TMEM132B: variants seen among roughly 807,000 people sequenced by gnomAD.
The protein encoded by TMEM132B is transmembrane protein 132B.
In TMEM132B, 18 loss-of-function variants were observed where a neutral mutation model predicts 90.8. The observed-to-expected ratio is 0.20, with a 90% CI of 0.14 to 0.29. The LOEUF is 0.29. TMEM132B is among the 10% of genes least tolerant of loss of function. The probability of loss-of-function intolerance (pLI) is 1.00; values close to 1 mark genes in which losing one functional copy is unlikely to be tolerated. For missense variants in TMEM132B, 1,096 were observed against 1,326.8 expected (o/e 0.83, Z 2.70); for synonymous variants, 504 against 523.3 (o/e 0.96, Z 0.50).
intron 1 of TMEM132B, among the ~76,000 whole-genome samples, chr12:125,324,589 C>T (rs548578290): frequency 4.5e-4 from 67 of 149,430 alleles, no homozygotes; most frequent in African/African-American, 1.6e-3. Flanking sequence ...ACTGCCTGAG[C>T]TCTGCCTCCT....
intron 4 of TMEM132B, among the ~76,000 whole-genome samples, chr12:125,579,098 T>C (rs1205560704): frequency 6.6e-6 from 1 of 152,324 alleles, no homozygotes; most frequent in East Asian, 1.9e-4. Context: ...CTTGATGGCA[T>C]CACAGAAATC....
chr12:125,432,720 A>G lies in TMEM132B; in HGVS notation c.1106+17043A>G, dbSNP rs550594603. 4.6e-5 allele frequency among the ~76,000 whole-genome samples: 7 copies of G among 152,036 alleles called. No homozygotes were observed. In the South Asian group the frequency reaches 1.5e-3, roughly 32 times the overall value. Reference sequence around the variant, plus strand: ...AACTTGCTTACTTAACAAGCAGTGCATTAAAAAGCATGAAAACTGACAAGC... The same window carrying G: ...AACTTGCTTACTTAACAAGCAGTGCGTTAAAAAGCATGAAAACTGACAAGC... On this transcript the variant is annotated intron_variant, in intron 3 of 8. Coordinates refer to ENST00000682704, the MANE Select transcript of TMEM132B (RefSeq NM_001366854.1).
chr12:125,196,022 G>C (rs1330060517), intron 1 of TMEM132B, among the ~76,000 whole-genome samples: 1 of 152,196 alleles, frequency 6.6e-6, no homozygotes, highest in Non-Finnish European at 1.5e-5. Context: ...GCTGTTGGCA[G>C]GTTAGAGCCG....
chr12:125,657,504 A>G lies in TMEM132B; in HGVS notation c.*2794A>G, dbSNP rs965712997. Reference sequence around the variant, plus strand: ...ATTTCCTCCTCTAAATATTTCCTGAAGATCATAAACCATGGGTTATAGCAC... The same window carrying G: ...ATTTCCTCCTCTAAATATTTCCTGAGGATCATAAACCATGGGTTATAGCAC... On this transcript the variant is annotated 3_prime_UTR_variant, in exon 9 of 9. Transcript: ENST00000682704. The G allele has an allele frequency of 6.6e-6, 1 of 152,212 alleles. No homozygotes were observed. The highest frequency in any genetic ancestry group is 1.5e-5 in the Non-Finnish European group (1 of 68,046). The allele number at this position is 152,212 out of a possible 1,614,324, so 9.4% of individuals were successfully genotyped here. A position where few individuals can be genotyped will look rare whatever the true frequency, so the allele number is the denominator to read the frequency against.
intron 3 of TMEM132B, among the ~76,000 whole-genome samples, chr12:125,451,181 A>T (rs1120170): frequency 2.6e-5 from 4 of 151,950 alleles, no homozygotes; most frequent in Non-Finnish European, 5.9e-5. Flanking sequence ...ACTGGAATAT[A>T]AGCAGTTAAT....
chr12:125,606,522 C>A (rs1303587286), intron 5 of TMEM132B, among the ~76,000 whole-genome samples: 1 of 152,164 alleles, frequency 6.6e-6, no homozygotes, highest in African/African-American at 2.4e-5. Context: ...TGTGTGCCAG[C>A]ACATGTGAGT....
At position 125,272,761 on chromosome 12, in the gene TMEM132B, A is replaced by G. The variant is rs140272309; in HGVS notation, c.68-76691A>G. ...CCAATGAAAGAATAAAAACCCTCCA[A>G]CACATCAGGGATTAATTTAACACTG... is the stretch of plus-strand genomic sequence containing the variant. On this transcript the variant is annotated intron_variant, in intron 1 of 8. Coordinates refer to ENST00000682704, the MANE Select transcript of TMEM132B (RefSeq NM_001366854.1). Among the ~76,000 whole-genome samples, 479 of 152,298 alleles carry G rather than the reference A, an allele frequency of 3.1e-3. 1 individual carries two copies. Among genetic ancestry groups the G allele is most frequent in the African/African-American group, 0.011 (465 of 41,554 alleles).
rs773257965 is a variant in TMEM132B, at chr12:125,407,766, G to C, written c.960-7765G>C. The stretch of plus-strand genomic sequence containing the variant: ...GGGGGAGAAACGCCTCTGTGTGTCT[G>C]GGGTGGTGACATTTGGGTTCACCTG... On this transcript the variant is annotated intron_variant, in intron 2 of 8. Coordinates refer to ENST00000682704, the MANE Select transcript of TMEM132B (RefSeq NM_001366854.1). The surrounding 1 kb of genome is among the most constrained non-coding windows in gnomAD (Gnocchi z 6.7). 8.5e-5 allele frequency among the ~76,000 whole-genome samples: 13 copies of C among 152,200 alleles called. No homozygotes were observed. Among genetic ancestry groups the C allele is most frequent in the Non-Finnish European group, 1.8e-4 (12 of 68,032 alleles).
rs1333045810 is a variant in TMEM132B at position 125,186,491 on chromosome 12, C to A, written c.-309C>A. On this transcript the variant is annotated 5_prime_UTR_variant, in exon 1 of 9. Transcript: ENST00000682704. This position sits in a 1 kb window ranked among gnomAD's most constrained non-coding sequence, Gnocchi z 6.3. ...GACGGGCGCTGGGGCGCAGGAGCCG[C>A]GGCGGCGGCGGCGGCGGGGGCCGCG... Among the ~76,000 whole-genome samples the A allele has an allele frequency of 1.4e-5, 2 of 146,000 alleles. No homozygotes were observed. The highest frequency in any genetic ancestry group is 4.9e-5 in the African/African-American group (2 of 40,806).
At chr12:125,195,170 T>G (rs899899924) in intron 1 of TMEM132B, among the ~76,000 whole-genome samples, 1 of 152,118 alleles carries the variant, frequency 6.6e-6, no homozygotes, top group Non-Finnish European at 1.5e-5. Context: ...CGAGACATTT[T>G]TACTGTGCAC....
intron 1 of TMEM132B, among the ~76,000 whole-genome samples, chr12:125,294,334 C>A (rs925479404): frequency 6.6e-6 from 1 of 152,242 alleles, no homozygotes; most frequent in Non-Finnish European, 1.5e-5. Flanking sequence ...CAAGCCAGAC[C>A]TGGTAGAGAT....
At chr12:125,195,911 G>C (rs74983857) in intron 1 of TMEM132B, among the ~76,000 whole-genome samples, 2 of 152,140 alleles carry the variant, frequency 1.3e-5, no homozygotes, top group Non-Finnish European at 2.9e-5. Flanking sequence ...TGGGCTGAAC[G>C]AGTGAGAGAA....
intron 1 of TMEM132B, chr12:125,326,401 G>A: frequency 1.6e-6 from 1 of 606,508 alleles, no homozygotes; most frequent in Non-Finnish European, 3.0e-6. Flanking sequence ...TTCCAGACTT[G>A]GTTGAAAAAG....
At chr12:125,227,806 A>G (rs1873716271) in intron 1 of TMEM132B, among the ~76,000 whole-genome samples, 1 of 152,082 alleles carries the variant, frequency 6.6e-6, no homozygotes, top group Non-Finnish European at 1.5e-5. Flanking sequence ...GTAGGGCTGA[A>G]CAAAAGTACC....
At chr12:125,571,239 A>G (rs73416348) in intron 4 of TMEM132B, among the ~76,000 whole-genome samples, 1,537 of 152,232 alleles carry the variant, frequency 0.01, 19 homozygotes, top group African/African-American at 0.034. Flanking sequence ...CAGCGGAGTG[A>G]TTCTGGCCAA....
At position 125,406,132 on chromosome 12, in the gene TMEM132B, C is replaced by G. The variant is rs1879467672; in HGVS notation, c.960-9399C>G. On this transcript the variant is annotated intron_variant, in intron 2 of 8. Transcript: ENST00000682704. The surrounding 1 kb of genome is among the most constrained non-coding windows in gnomAD (Gnocchi z 8.3). ...CGTTAGTAGATATGCTTAACTAGAT[C>G]TTTTTGCTAGTGAATTTCCAGTAGA... 1.3e-5 allele frequency among the ~76,000 whole-genome samples: 2 copies of G among 152,154 alleles called. No individual in the cohort carries two copies.
intron 1 of TMEM132B, among the ~76,000 whole-genome samples, chr12:125,266,336 A>G (rs1023510852): frequency 6.6e-6 from 1 of 152,256 alleles, no homozygotes; most frequent in African/African-American, 2.4e-5. Flanking sequence ...TTTATGGAAA[A>G]CATTTGCCAA....
chr12:125,375,788 A>G (rs1335399090), intron 2 of TMEM132B, among the ~76,000 whole-genome samples: 1 of 152,224 alleles, frequency 6.6e-6, no homozygotes, highest in Non-Finnish European at 1.5e-5. Flanking sequence ...ATCACCTTCT[A>G]TATTCCTGTG....
At chr12:125,345,654 A>G (rs917431397) in intron 1 of TMEM132B, among the ~76,000 whole-genome samples, 6 of 152,168 alleles carry the variant, frequency 3.9e-5, no homozygotes, top group African/African-American at 7.2e-5. Context: ...GCCACAGAGC[A>G]TCTGTCTGGT....
Sources: gnomAD v4.1 joint callset for allele counts (sites outside exome capture counted in the v4.1 genomes callset) on GRCh38, gnomAD v4.1.1 for gene constraint, Gnocchi (gnomAD v3.1) non-coding constraint, MANE v1.5 for transcripts, NCBI Gene and HGNC (gene_info 2026-07-23, HGNC 2026-07-21) for gene names.